LRRC4C: variants seen among roughly 807,000 people sequenced by gnomAD.
LRRC4C encodes the protein leucine-rich repeat-containing protein 4C.
A neutral mutation model predicts 33.6 loss-of-function variants in LRRC4C; 5 were observed. That is an observed-to-expected ratio of 0.15 (90% confidence interval 0.08 to 0.31). The LOEUF is 0.31. LRRC4C is among the 10% of genes least tolerant of loss of function. The pLI is 1.00. For synonymous variants in LRRC4C, 329 were observed against 302.0 expected (o/e 1.09, Z -0.93); for missense variants, 560 against 796.7 (o/e 0.70, Z 3.58).
chr11:40,845,187 A>G (rs1953099579), intron 2 of LRRC4C, among the ~76,000 whole-genome samples: 1 of 151,564 alleles, frequency 6.6e-6, no homozygotes, highest in South Asian at 2.1e-4. Flanking sequence ...TTAAGTTCTG[A>G]CATACATGTG....
chr11:40,365,570 G>A (rs12362638), intron 3 of LRRC4C, among the ~76,000 whole-genome samples: 37,460 of 151,812 alleles, frequency 0.25, 5,429 homozygotes, highest in South Asian at 0.31. Flanking sequence ...GGGGGGGCCC[G>A]AGAGGAGATT....
At chr11:40,709,794 G>A (rs1311872011) in intron 2 of LRRC4C, among the ~76,000 whole-genome samples, 2 of 152,098 alleles carry the variant, frequency 1.3e-5, no homozygotes, top group African/African-American at 2.4e-5. Context: ...TTCCAGCTTC[G>A]TTCCATTCTC....
chr11:41,106,854 A>G (rs1358696343), intron 1 of LRRC4C, among the ~76,000 whole-genome samples: 1 of 151,852 alleles, frequency 6.6e-6, no homozygotes, highest in Non-Finnish European at 1.5e-5. Context: ...TACTTCTACA[A>G]AAAAATTAAA....
At chr11:41,077,641 G>A (rs1017186305) in intron 1 of LRRC4C, among the ~76,000 whole-genome samples, 4 of 152,144 alleles carry the variant, frequency 2.6e-5, no homozygotes, top group African/African-American at 4.8e-5. Context: ...ACACCTGGGG[G>A]CCTATGAAGG....
intron 1 of LRRC4C, among the ~76,000 whole-genome samples, chr11:41,081,812 C>T (rs919913654): frequency 1.3e-5 from 2 of 152,020 alleles, no homozygotes; most frequent in Non-Finnish European, 2.9e-5. Flanking sequence ...CTAAGACAGA[C>T]GAAAGTAGCC....
At chr11:40,525,635 ATG>A (rs1217378396) in intron 3 of LRRC4C, among the ~76,000 whole-genome samples, 1 of 152,204 alleles carries the variant, frequency 6.6e-6, no homozygotes, top group Non-Finnish European at 1.5e-5. Context: ...TACTTTATTT[ATG>A]CACTGGAGAA....
intron 1 of LRRC4C, among the ~76,000 whole-genome samples, chr11:41,203,181 C>T (rs1048651640): frequency 6.6e-6 from 1 of 152,136 alleles, no homozygotes; most frequent in Non-Finnish European, 1.5e-5. Context: ...GTCATTCACC[C>T]TGTTTTCTTG....
chr11:40,189,289 ATTG>A (rs1229621908), intron 5 of LRRC4C, among the ~76,000 whole-genome samples: 2 of 152,170 alleles, frequency 1.3e-5, no homozygotes, highest in African/African-American at 4.8e-5. Context: ...TCTTTTTAAA[ATTG>A]TTATTACAAA....
At chr11:40,163,252 A>G (rs1859311629) in intron 5 of LRRC4C, among the ~76,000 whole-genome samples, 1 of 152,230 alleles carries the variant, frequency 6.6e-6, no homozygotes, top group African/African-American at 2.4e-5. Flanking sequence ...AATTTTTAAT[A>G]CAGCCCAGAG....
At chr11:40,584,804 C>T (rs1958638024) in intron 3 of LRRC4C, among the ~76,000 whole-genome samples, 1 of 151,870 alleles carries the variant, frequency 6.6e-6, no homozygotes, top group Non-Finnish European at 1.5e-5. Context: ...TGGTGGTGCA[C>T]ACCTGTGGTC....
chr11:40,127,201 G>A (rs376602952), intron 6 of LRRC4C, among the ~76,000 whole-genome samples: 62 of 152,068 alleles, frequency 4.1e-4, no homozygotes, highest in Admixed American at 1.5e-3. Context: ...CGCTTGAACC[G>A]GGAGGCGGAG....
intron 3 of LRRC4C, among the ~76,000 whole-genome samples, chr11:40,497,957 G>A (rs1018333675): frequency 6.6e-6 from 1 of 152,018 alleles, no homozygotes; most frequent in African/African-American, 2.4e-5. Flanking sequence ...TCATTTTATG[G>A]TATAAGAAAG....
chr11:40,764,598 C>T (rs1425444558), intron 2 of LRRC4C, among the ~76,000 whole-genome samples: 4 of 152,050 alleles, frequency 2.6e-5, no homozygotes, highest in Non-Finnish European at 2.9e-5. Context: ...GACTGTAGAG[C>T]CCTTGGGCCT....
chr11:41,421,038 G>T (rs1316874168), intron 1 of LRRC4C, among the ~76,000 whole-genome samples: 1 of 151,950 alleles, frequency 6.6e-6, no homozygotes, highest in Non-Finnish European at 1.5e-5. Context: ...ATCCTAATAT[G>T]ACTTCAGGTA....
chr11:40,978,538 A>G (rs989235295), intron 1 of LRRC4C, among the ~76,000 whole-genome samples: 3 of 152,176 alleles, frequency 2.0e-5, no homozygotes, highest in Non-Finnish European at 4.4e-5. Flanking sequence ...CCTTCACAAC[A>G]AAAGATTATC....
At chr11:40,588,087 C>G (rs910514748) in intron 3 of LRRC4C, among the ~76,000 whole-genome samples, 6 of 151,700 alleles carry the variant, frequency 4.0e-5, no homozygotes, top group Non-Finnish European at 8.8e-5. Flanking sequence ...TAGAATTTGG[C>G]TGTGAATCCA....
chr11:41,383,014 CT>C (rs1353281411), intron 1 of LRRC4C, among the ~76,000 whole-genome samples: 2 of 152,046 alleles, frequency 1.3e-5, no homozygotes, highest in Non-Finnish European at 2.9e-5. Flanking sequence ...TTAGGTTCAC[CT>C]TAGGGCAGGG....
chr11:41,213,594 G>T (rs4325297), intron 1 of LRRC4C, among the ~76,000 whole-genome samples: 1 of 152,012 alleles, frequency 6.6e-6, no homozygotes, highest in African/African-American at 2.4e-5. Context: ...ATCACATTAC[G>T]TTTTTTGAGC....
intron 2 of LRRC4C, among the ~76,000 whole-genome samples, chr11:40,799,671 T>C (rs1591754292): frequency 6.6e-6 from 1 of 152,198 alleles, no homozygotes. Flanking sequence ...GGTTTTGCCA[T>C]GTTGGCCAGG....
Sources: gnomAD v4.1 joint callset for allele counts (sites outside exome capture counted in the v4.1 genomes callset) on GRCh38, gnomAD v4.1.1 for gene constraint, MANE v1.5 for transcripts, NCBI Gene and HGNC (gene_info 2026-07-23, HGNC 2026-07-21) for gene names.